Variants in MDN1 observed in about 807,000 individuals in gnomAD.
MDN1 encodes the protein midasin AAA ATPase 1, also known as midasin.
In MDN1, 266 loss-of-function variants were observed where a neutral mutation model predicts 669.2. That is an observed-to-expected ratio of 0.40 (90% CI 0.36 to 0.44). MDN1 has a LOEUF of 0.44. MDN1 is among the 20% of genes least tolerant of loss of function. MDN1 has a pLI of 1.00. For synonymous variants in MDN1, 2,385 were observed against 2,457.1 expected, an observed-to-expected ratio of 0.97 and a Z score of 0.87; for missense variants, 5,940 against 6,754.0, an observed-to-expected ratio of 0.88 and a Z score of 4.22.
intron 47 of MDN1, 89 bp downstream of exon 47, chr6:89,713,059 A>T: frequency 7.0e-7 from 1 of 1,422,624 alleles, no homozygotes; most frequent in Non-Finnish European, 9.5e-7. Context: ...CTCTTAGGTC[A>T]CTGGGTTGCC....
At chr6:89,650,956 T>G in intron 95 of MDN1, 109 bp from the exon 96 acceptor site, 1 of 739,942 alleles carries the variant, frequency 1.4e-6, no homozygotes, top group Non-Finnish European at 2.3e-6. Flanking sequence ...TGCATGAACT[T>G]TCTCAACAGA....
chr6:89,704,581 C>G (rs953994275), intron 53 of MDN1, among the ~76,000 whole-genome samples: 5 of 152,158 alleles, frequency 3.3e-5, no homozygotes, highest in Non-Finnish European at 7.4e-5. Flanking sequence ...AAGGTGCAAA[C>G]TAGGCCAATG....
Position 89,696,468 on chromosome 6 carries a change from GA to G in MDN1, c.9274del (p.Ser3092ProfsTer5). On this transcript the variant is annotated frameshift_variant, in exon 60 of 102. Coordinates refer to ENST00000369393, the MANE Select transcript of MDN1 (RefSeq NM_014611.3). LOFTEE classifies it high-confidence loss of function. ...PWDVSGLPIL[S>X]SSHVTLGEWV... is the part of the protein sequence containing the mutation. ...CTCTCCTAGGGTCACGTGAGAGGAGGAAAGAATGGGGAGGCCACTCACATCC... is the reference window on the plus strand; with the variant it reads ...CTCTCCTAGGGTCACGTGAGAGGAGGAAGAATGGGGAGGCCACTCACATCC... 6.2e-7 allele frequency: 1 copy of G among 1,614,166 alleles called. No individual in the cohort carries two copies. Among genetic ancestry groups the G allele is most frequent in the Non-Finnish European group, 8.5e-7 (1 of 1,180,014 alleles).
rs567780108 is a variant in MDN1 at position 89,661,249 on chromosome 6, G to T, written c.14713+182C>A. 1.4e-4 allele frequency among the ~76,000 whole-genome samples: 22 copies of T among 152,320 alleles called. No individual in the cohort carries two copies. The South Asian group carries it at 2.1e-3, about 14-fold the overall frequency. On this transcript the variant is annotated intron_variant, in intron 88 of 101. Transcript: ENST00000369393. ...AGAAATACCTGCTGGTTGATGAGCTGTAGGGATAATCACATGAGAAATACT... is the reference window on the plus strand; with the variant it reads ...AGAAATACCTGCTGGTTGATGAGCTTTAGGGATAATCACATGAGAAATACT...
chr6:89,713,104 T>A, intron 47 of MDN1, 44 bp downstream of exon 47: 1 of 1,582,464 alleles, frequency 6.3e-7, no homozygotes, highest in Non-Finnish European at 8.6e-7. Flanking sequence ...CTCAAGAATG[T>A]AGGGTATTAC....
intron 84 of MDN1, among the ~76,000 whole-genome samples, chr6:89,666,667 C>T (rs1418735097): frequency 6.6e-6 from 1 of 152,166 alleles, no homozygotes; most frequent in Non-Finnish European, 1.5e-5. Flanking sequence ...ACATCTCAGC[C>T]AGGTGTGGTG....
At position 89,664,600 on chromosome 6, in the gene MDN1, T is replaced by C; in HGVS notation, c.14123A>G (p.Glu4708Gly). Residue 4708 changes from glutamate (E) to glycine (G), a missense_variant, in exon 85 of 102, where the codon GAA becomes GGA. Physicochemically the swap from Glu to Gly is moderately conservative, Grantham distance 98. Transcript: ENST00000369393. ...QVEDTFQKGQ[E>G]KDKEDPDSKS... is the part of the protein sequence containing the mutation. Reference sequence around the variant, plus strand: ...TGAATCAGGATCCTCTTTGTCTTTTTCTTGACCCTTCTGAAATGTATCTTC... The same window carrying C: ...TGAATCAGGATCCTCTTTGTCTTTTCCTTGACCCTTCTGAAATGTATCTTC... 2 of 1,612,384 alleles carry C rather than the reference T, an allele frequency of 1.2e-6. No homozygotes were observed. The highest frequency in any genetic ancestry group is 1.7e-6 in the Non-Finnish European group (2 of 1,178,490).
intron 1 of MDN1, among the ~76,000 whole-genome samples, chr6:89,809,409 TCAC>T (rs1768231897): frequency 6.6e-6 from 1 of 151,856 alleles, no homozygotes; most frequent in Non-Finnish European, 1.5e-5. Context: ...GGCAGGCAGA[TCAC>T]TTGAGCCCAG....
intron 2 of MDN1, among the ~76,000 whole-genome samples, chr6:89,799,429 A>G (rs1675893982): frequency 6.6e-6 from 1 of 152,288 alleles, no homozygotes; most frequent in South Asian, 2.1e-4. Context: ...TCACGCCTGC[A>G]ATCCCAACAC....
Position 89,700,208 on chromosome 6 carries a change from C to T in MDN1, c.8725G>A (p.Glu2909Lys), listed in dbSNP as rs1813053672. 1 of 1,614,074 alleles carries T rather than the reference C, an allele frequency of 6.2e-7. No homozygotes were observed. Among genetic ancestry groups the T allele is most frequent in the African/African-American group, 1.3e-5 (1 of 74,936 alleles). Residue 2909 changes from glutamate (E) to lysine (K), a missense_variant, in exon 57 of 102, where the codon GAA becomes AAA. This residue lies in a region of MDN1 where 2,292 missense variants were observed against 2,638.3 expected (regional missense o/e 0.87). Coordinates refer to ENST00000369393, the MANE Select transcript of MDN1 (RefSeq NM_014611.3). ...TCTGGATGGGACAGGGAGGAAGCTT[C>T]ATCATGCTTTTTCTCCAGAAAACCA... ...SLGFLEKKHD[E>K]ASSLSHPDLT... is the part of the protein sequence containing the mutation.
intron 94 of MDN1, 79 bp from the exon 95 acceptor site, chr6:89,652,360 A>G (rs1808940363): frequency 9.6e-7 from 1 of 1,044,728 alleles, no homozygotes; most frequent in Admixed American, 2.0e-5. Context: ...CTTCCGCCCT[A>G]CAGTATGAAC....
chr6:89,749,422 T>C, intron 25 of MDN1, 53 bp from the exon 26 acceptor site: 1 of 1,601,626 alleles, frequency 6.2e-7, no homozygotes, highest in Non-Finnish European at 8.5e-7. Context: ...ATTTCCAATA[T>C]GGAGGCTCTG....
At chr6:89,735,047 C>T (rs1213489790) in intron 33 of MDN1, among the ~76,000 whole-genome samples, 2 of 152,070 alleles carry the variant, frequency 1.3e-5, no homozygotes, top group African/African-American at 2.4e-5. Context: ...CCTGCCACAA[C>T]GCCCAGCTAA....
intron 1 of MDN1, among the ~76,000 whole-genome samples, chr6:89,813,041 A>C (rs994939220): frequency 6.6e-6 from 1 of 152,110 alleles, no homozygotes; most frequent in Non-Finnish European, 1.5e-5. Context: ...CCCAGGTTCA[A>C]GAGATTCTCC....
rs144916492 is a variant in MDN1 at position 89,690,116 on chromosome 6, T to G, written c.10777A>C (p.Thr3593Pro). ...GAAGTTCCTTTGTTCTCCTCCAACG[T>G]TGGCTGCACCAAAATATCTGCAAAG... ...KDFADILVQP[T>P]LEENKGTSDG... Residue 3593 changes from threonine (T) to proline (P), a missense_variant, in exon 65 of 102, where the codon ACG becomes CCG. Coordinates refer to ENST00000369393, the MANE Select transcript of MDN1 (RefSeq NM_014611.3). 22 of 1,614,212 alleles carry G rather than the reference T, an allele frequency of 1.4e-5. No homozygotes were observed. In the African/African-American group the frequency reaches 2.7e-4, roughly 20 times the overall value.
chr6:89,732,723 T>G lies in MDN1; in HGVS notation c.4776A>C (p.Gln1592His). 6.2e-7 allele frequency: 1 copy of G among 1,614,126 alleles called. No homozygotes were observed. The highest frequency in any genetic ancestry group is 2.2e-5 in the East Asian group (1 of 44,892). ...MLDFIDWLTHQEFGRKCVVSI... is the reference protein window; with the variant it reads ...MLDFIDWLTHHEFGRKCVVSI... Reference sequence around the variant, plus strand: ...TGACCACACACTTTCTGCCAAACTCTTGGTGGGTCAGCCAGTCAATGAAAT... The same window carrying G: ...TGACCACACACTTTCTGCCAAACTCGTGGTGGGTCAGCCAGTCAATGAAAT... Residue 1592 changes from glutamine (Q) to histidine (H), a missense_variant, in exon 34 of 102, where the codon CAA becomes CAC. Transcript: ENST00000369393.
intron 39 of MDN1, 42 bp downstream of exon 39, chr6:89,723,470 A>G: frequency 8.2e-7 from 1 of 1,212,670 alleles, no homozygotes; most frequent in Non-Finnish European, 1.2e-6. Flanking sequence ...TGGTTCAAAT[A>G]CAGCCAGAAA....
intron 80 of MDN1, 28 bp downstream of exon 80, chr6:89,673,208 C>G (rs375801042): frequency 6.4e-7 from 1 of 1,561,784 alleles, no homozygotes; most frequent in Non-Finnish European, 8.8e-7. Context: ...ACTGGACTTT[C>G]ATTCCCTGAC....
At chr6:89,784,422 A>G (rs1448624347) in intron 9 of MDN1, among the ~76,000 whole-genome samples, 1 of 152,240 alleles carries the variant, frequency 6.6e-6, no homozygotes, top group Non-Finnish European at 1.5e-5. Context: ...CCATGTCTGA[A>G]TGACCACTGA....
Sources: gnomAD v4.1 joint callset for allele counts (sites outside exome capture counted in the v4.1 genomes callset) on GRCh38, gnomAD v4.1.1 for gene constraint, gnomAD v4.1.1 regional missense constraint, MANE v1.5 for transcripts, NCBI Gene and HGNC (gene_info 2026-07-23, HGNC 2026-07-21) for gene names.